Variants in TMEM163 observed in about 807,000 individuals in gnomAD.
The protein encoded by TMEM163 is transmembrane protein 163.
In TMEM163, 17 loss-of-function variants were observed where a neutral mutation model predicts 29.3. The ratio of observed to expected loss-of-function variants is 0.58; its 90% confidence interval spans 0.40 to 0.87. The LOEUF (loss-of-function observed/expected upper bound fraction) is 0.87, where lower values mean the gene tolerates loss of function less well. Ranked by LOEUF, TMEM163 falls within the 40% of genes least tolerant of loss-of-function variation. The pLI is 0.00. For missense variants in TMEM163, 303 were observed against 381.5 expected, an observed-to-expected ratio of 0.79 and a Z score of 1.71; for synonymous variants, 157 against 160.6, an observed-to-expected ratio of 0.98 and a Z score of 0.17.
chr2:134,679,797 C>T (rs1300975175), intron 2 of TMEM163, among the ~76,000 whole-genome samples: 1 of 152,140 alleles, frequency 6.6e-6, no homozygotes, highest in Non-Finnish European at 1.5e-5. Flanking sequence ...ACCTTCGTCG[C>T]CAGCTCCCAC....
At chr2:134,578,581 C>A (rs554528896) in intron 2 of TMEM163, among the ~76,000 whole-genome samples, 4 of 152,300 alleles carry the variant, frequency 2.6e-5, no homozygotes, top group South Asian at 2.1e-4. Flanking sequence ...ATTGGACAAC[C>A]TTTCCCCCAC....
chr2:134,671,717 C>T lies in TMEM163; in HGVS notation c.322+41483G>A, dbSNP rs572933348. ...GAAAGAACACAGGAACTGGGGTTGA[C>T]GAGCATGAATATGGGCCACAGCCCC... On this transcript the variant is annotated intron_variant, in intron 2 of 7. Transcript: ENST00000281924. Among the ~76,000 whole-genome samples, 23 of 152,314 alleles carry T rather than the reference C, an allele frequency of 1.5e-4. 1 individual carries two copies. The South Asian group carries it at 3.1e-3, about 21-fold the overall frequency.
At position 134,622,636 on chromosome 2, in the gene TMEM163, C is replaced by T. The variant is rs1406917477; in HGVS notation, c.323-70545G>A. Reference sequence around the variant, plus strand: ...GACAGGTCTATGTAAATTAAAGTGTCTGCTGATTTCAATTAAGTCAAGTTG... The same window carrying T: ...GACAGGTCTATGTAAATTAAAGTGTTTGCTGATTTCAATTAAGTCAAGTTG... On this transcript the variant is annotated intron_variant, in intron 2 of 7. Transcript: ENST00000281924. Among the ~76,000 whole-genome samples, 3 of 152,246 alleles carry T rather than the reference C, an allele frequency of 2.0e-5. No homozygotes were observed. The East Asian group carries it at 5.8e-4, about 29-fold the overall frequency.
chr2:134,476,423 A>G (rs1467744430), intron 5 of TMEM163, among the ~76,000 whole-genome samples: 1 of 152,196 alleles, frequency 6.6e-6, no homozygotes, highest in African/African-American at 2.4e-5. Context: ...GTCAAAACTC[A>G]TCAAGTTGCG....
Position 134,670,861 on chromosome 2 carries a change from C to T in TMEM163, c.322+42339G>A, listed in dbSNP as rs1391975882. On this transcript the variant is annotated intron_variant, in intron 2 of 7. Coordinates refer to ENST00000281924, the MANE Select transcript of TMEM163 (RefSeq NM_030923.5). ...CCCCGATTTTAAAGGACTTTGAAACCAACACCACATAAGTGCTTGCATAAA... is the reference window on the plus strand; with the variant it reads ...CCCCGATTTTAAAGGACTTTGAAACTAACACCACATAAGTGCTTGCATAAA... Among the ~76,000 whole-genome samples, 4 of 152,336 alleles carry T rather than the reference C, an allele frequency of 2.6e-5. No individual in the cohort carries two copies. The East Asian group carries it at 7.7e-4, about 29-fold the overall frequency.
At chr2:134,481,475 C>G (rs1481114815) in intron 5 of TMEM163, among the ~76,000 whole-genome samples, 1 of 152,004 alleles carries the variant, frequency 6.6e-6, no homozygotes, top group Non-Finnish European at 1.5e-5. Flanking sequence ...TGCACAAGCT[C>G]TCTTATCTGC....
chr2:134,570,288 T>G (rs1255543454), intron 2 of TMEM163, among the ~76,000 whole-genome samples: 1 of 152,092 alleles, frequency 6.6e-6, no homozygotes, highest in Non-Finnish European at 1.5e-5. Flanking sequence ...AATGCAAAAG[T>G]GTCACAGTGC....
chr2:134,718,539 CG>C (rs1685088427), intron 1 of TMEM163, among the ~76,000 whole-genome samples, 194 bp downstream of exon 1: 1 of 152,174 alleles, frequency 6.6e-6, no homozygotes, highest in African/African-American at 2.4e-5. Context: ...GGGAAGGAAC[CG>C]CAGCCGAGGC....
At chr2:134,665,631 G>A (rs900063575) in intron 2 of TMEM163, among the ~76,000 whole-genome samples, 18 of 152,136 alleles carry the variant, frequency 1.2e-4, no homozygotes, top group African/African-American at 4.3e-4. Flanking sequence ...GCAATACTAG[G>A]TGAGTACACA....
At chr2:134,678,115 C>A (rs1030780994) in intron 2 of TMEM163, among the ~76,000 whole-genome samples, 3 of 152,210 alleles carry the variant, frequency 2.0e-5, no homozygotes, top group East Asian at 1.9e-4. Flanking sequence ...TGCTCCAGAA[C>A]GTCCATTTTC....
intron 2 of TMEM163, among the ~76,000 whole-genome samples, chr2:134,563,308 G>T (rs1220176602): frequency 6.6e-6 from 1 of 152,198 alleles, no homozygotes; most frequent in Non-Finnish European, 1.5e-5. Flanking sequence ...AATTAAAGCT[G>T]CCTGCTGCTC....
intron 2 of TMEM163, among the ~76,000 whole-genome samples, chr2:134,596,237 T>C (rs952812593): frequency 6.6e-6 from 1 of 152,246 alleles, no homozygotes; most frequent in African/African-American, 2.4e-5. Flanking sequence ...AGGGTTTTTA[T>C]GGTTTTAGGT....
chr2:134,458,305 T>C (rs1030602045), intron 6 of TMEM163, 132 bp from the exon 7 acceptor site: 2 of 1,063,018 alleles, frequency 1.9e-6, no homozygotes, highest in African/African-American at 1.6e-5. Flanking sequence ...TCACGAGTGA[T>C]AGCCACCACC....
In TMEM163 at chr2:134,592,869, G is replaced by GAGATAGAGAGATAGATAGATAGAT. The variant is rs1681969451; in HGVS notation, c.323-40779_323-40778insATCTATCTATCTATCTCTCTATCT. ...ATATAGAGATACAGATATTAATATA[G>GAGATAGAGAGATAGATAGATAGAT]AGATAGATAGATAGATAGATAGACC... On this transcript the variant is annotated intron_variant, in intron 2 of 7. Transcript: ENST00000281924. Among the ~76,000 whole-genome samples, 5 of 148,094 alleles carry GAGATAGAGAGATAGATAGATAGAT rather than the reference G, an allele frequency of 3.4e-5. No homozygotes were observed. The South Asian group carries it at 1.1e-3, about 32-fold the overall frequency.
At chr2:134,507,900 A>G (rs1388503552) in intron 4 of TMEM163, among the ~76,000 whole-genome samples, 2 of 152,138 alleles carry the variant, frequency 1.3e-5, no homozygotes, top group Non-Finnish European at 2.9e-5. Context: ...GACACACTTA[A>G]TGTCTGAAAG....
chr2:134,456,809 A>G (rs905475676), intron 7 of TMEM163, 33 bp from the exon 8 acceptor site: 4 of 1,610,074 alleles, frequency 2.5e-6, no homozygotes, highest in South Asian at 2.2e-5. Context: ...GGTCACCTCC[A>G]TGGCATGGGG....
chr2:134,547,176 C>A (rs1479343885), intron 4 of TMEM163, among the ~76,000 whole-genome samples: 1 of 152,100 alleles, frequency 6.6e-6, no homozygotes, highest in African/African-American at 2.4e-5. Flanking sequence ...TAGGCTAATG[C>A]ATTTTATGTT....
At chr2:134,661,508 G>C (rs1173681578) in intron 2 of TMEM163, among the ~76,000 whole-genome samples, 2 of 152,182 alleles carry the variant, frequency 1.3e-5, no homozygotes, top group Admixed American at 1.3e-4. Flanking sequence ...CCATTACGAA[G>C]TGTTTCTTTA....
At chr2:134,464,429 A>G (rs1249303011) in intron 6 of TMEM163, among the ~76,000 whole-genome samples, 2 of 152,196 alleles carry the variant, frequency 1.3e-5, no homozygotes, top group East Asian at 3.8e-4. Context: ...AAACACCCCA[A>G]GCAATTTCAG....
Sources: allele counts gnomAD v4.1 joint callset (sites outside exome capture counted in the v4.1 genomes callset), GRCh38; gene constraint gnomAD v4.1.1; transcripts MANE v1.5; gene names NCBI Gene and HGNC (gene_info 2026-07-23, HGNC 2026-07-21).